Variants in WDR11 observed in about 807,000 individuals in gnomAD.
WDR11 encodes the protein WD repeat-containing protein 11.
WDR11 carries 83 observed loss-of-function variants against 151.2 expected under a neutral mutation model. The ratio of observed to expected loss-of-function variants is 0.55; its 90% CI spans 0.46 to 0.66. The LOEUF is 0.66. Among genes scored for constraint, WDR11 ranks in the 30% least tolerant of loss-of-function variants. WDR11 has a pLI of 0.00. For missense variants in WDR11, 1,301 were observed against 1,480.9 expected (o/e 0.88, Z 1.99); for synonymous variants, 484 against 533.1 (o/e 0.91, Z 1.27).
chr10:120,874,182 T>TA (rs1846652400), intron 11 of WDR11, among the ~76,000 whole-genome samples: 1 of 58,192 alleles, frequency 1.7e-5, no homozygotes, highest in Non-Finnish European at 4.0e-5. Flanking sequence ...TGCAGTTTTT[T>TA]TTTTTTTTTT....
chr10:120,869,591 A>C (rs1358530866), intron 9 of WDR11, among the ~76,000 whole-genome samples: 1 of 152,178 alleles, frequency 6.6e-6, no homozygotes, highest in Non-Finnish European at 1.5e-5. Flanking sequence ...CAATTCAGGT[A>C]AATAAAGAGG....
chr10:120,904,518 G>A (rs952854415), intron 24 of WDR11, 128 bp from the exon 25 acceptor site: 4 of 1,189,820 alleles, frequency 3.4e-6, no homozygotes, highest in African/African-American at 3.1e-5. Flanking sequence ...GTTTGTATTT[G>A]TAAACAAAAT....
At chr10:120,868,189 C>G (rs1846382444) in intron 9 of WDR11, among the ~76,000 whole-genome samples, 1 of 152,148 alleles carries the variant, frequency 6.6e-6, no homozygotes, top group African/African-American at 2.4e-5. Flanking sequence ...CGCAGTGACT[C>G]ACGCCTGTAA....
At chr10:120,865,820 C>A in intron 7 of WDR11, 76 bp downstream of exon 7, 3 of 980,246 alleles carry the variant, frequency 3.1e-6, no homozygotes, top group South Asian at 1.4e-5. Flanking sequence ...CAAATACCAG[C>A]CAAGGTATAT....
chr10:120,892,574 T>G (rs948962027), intron 19 of WDR11, among the ~76,000 whole-genome samples: 2 of 152,206 alleles, frequency 1.3e-5, no homozygotes, highest in African/African-American at 2.4e-5. Context: ...TCTGAGGAAT[T>G]AGAAGTATAT....
In WDR11 at chr10:120,866,706, G is replaced by A. The variant is rs772088333; in HGVS notation, c.1132G>A (p.Gly378Ser). Residue 378 changes from glycine to serine, a missense_variant, in exon 8 of 29, where the codon GGC becomes AGC. By Grantham distance (56) the Gly-to-Ser change is moderately conservative (BLOSUM62 0). Transcript: ENST00000263461. ...ENAAALVVSDGRVMIWELKSA... is the reference protein window; with the variant it reads ...ENAAALVVSDSRVMIWELKSA... ...TGCAGCCGCCCTCGTAGTGAGTGAT[G>A]GCAGGGTCATGATATGGGAACTCAA... 2 of 1,614,138 alleles carry A rather than the reference G, an allele frequency of 1.2e-6. No homozygotes were observed. The highest frequency in any genetic ancestry group is 2.2e-5 in the South Asian group (2 of 91,082).
At chr10:120,872,005 C>T (rs1846562531) in intron 10 of WDR11, among the ~76,000 whole-genome samples, 1 of 152,074 alleles carries the variant, frequency 6.6e-6, no homozygotes. Context: ...TACATTTCTC[C>T]AAAACTTCTG....
Position 120,865,110 on chromosome 10 carries a change from C to T in WDR11, c.777C>T (p.His259=), listed in dbSNP as rs1339715325. 6.2e-7 allele frequency: 1 copy of T among 1,613,964 alleles called. No individual in the cohort carries two copies. The highest frequency in any genetic ancestry group is 1.7e-5 in the Admixed American group (1 of 60,020). Residue 259 remains histidine, a synonymous_variant, in exon 6 of 29, where the codon CAC becomes CAT. Coordinates refer to ENST00000263461, the MANE Select transcript of WDR11 (RefSeq NM_018117.12). ...QLAYLPSKRN[H]MLLLYPREIL... ...CATACCTGCCTTCAAAAAGGAATCACATGTTGTTGCTCTATCCTCGAGAGA... is the reference window on the plus strand; with the variant it reads ...CATACCTGCCTTCAAAAAGGAATCATATGTTGTTGCTCTATCCTCGAGAGA...
Position 120,858,722 on chromosome 10 carries a change from G to C in WDR11, c.278G>C (p.Gly93Ala). ...CGGTTAGCTTCTGCTGATGTCAATG[G>C]GAAGATCATCGTCTGGGATGTAGCA... ...CLRLASADVN[G>A]KIIVWDVAAG... The change falls in exon 3 of 29, where the codon GGG (glycine) becomes GCG (alanine). Residue 93 changes from glycine to alanine, a missense_variant. This residue lies in a region of WDR11 where 692 missense variants were observed against 762.5 expected (regional missense o/e 0.91). Coordinates refer to ENST00000263461, the MANE Select transcript of WDR11 (RefSeq NM_018117.12). 6.2e-7 allele frequency: 1 copy of C among 1,614,158 alleles called. No individual in the cohort carries two copies. The highest frequency in any genetic ancestry group is 8.5e-7 in the Non-Finnish European group (1 of 1,180,040).
chr10:120,862,681 C>T, intron 4 of WDR11, 54 bp from the exon 5 acceptor site: 1 of 1,559,952 alleles, frequency 6.4e-7, no homozygotes, highest in Admixed American at 1.7e-5. Flanking sequence ...TGGAATAAAA[C>T]TGTATGCTAA....
At position 120,867,186 on chromosome 10, in the gene WDR11, T is replaced by G; in HGVS notation, c.1294+17T>G. On this transcript the variant is annotated intron_variant, in intron 9 of 28. Transcript: ENST00000263461. ...ACATGATTGGTAAGCTTTTTTCCCC[T>G]CTAACTCCATGTTAAGTATTCTTTC... 1 of 1,562,230 alleles carries G rather than the reference T, an allele frequency of 6.4e-7. No individual in the cohort carries two copies. Among genetic ancestry groups the G allele is most frequent in the Non-Finnish European group, 8.8e-7 (1 of 1,132,986 alleles).
chr10:120,854,821 T>C (rs560095798), intron 2 of WDR11, among the ~76,000 whole-genome samples: 4 of 152,346 alleles, frequency 2.6e-5, no homozygotes, highest in African/African-American at 9.6e-5. Flanking sequence ...GCAGGTCCTT[T>C]GCCCATTTTA....
intron 17 of WDR11, chr10:120,889,672 C>T (rs1001121275): frequency 3.6e-6 from 2 of 553,378 alleles, no homozygotes; most frequent in South Asian, 2.0e-5. Context: ...TTGAGCCAAG[C>T]ATTCTTAGGA....
Position 120,901,087 on chromosome 10 carries a change from T to G in WDR11, c.2676T>G (p.Asn892Lys). Reference protein sequence around the residue: ...EIKNLLQEQLNSLSNDIKKLL... With the variant: ...EIKNLLQEQLKSLSNDIKKLL... ...AGAATCTCCTCCAAGAACAGTTGAA[T>G]TCATTGTCTAAGTAAGCACTCCATG... is the stretch of plus-strand genomic sequence containing the variant. The change falls in exon 21 of 29, where the codon AAT becomes AAG. Residue 892 changes from asparagine to lysine, a missense_variant. Coordinates refer to ENST00000263461, the MANE Select transcript of WDR11 (RefSeq NM_018117.12). 1 of 1,612,416 alleles carries G rather than the reference T, an allele frequency of 6.2e-7. No homozygotes were observed. Among genetic ancestry groups the G allele is most frequent in the Non-Finnish European group, 8.5e-7 (1 of 1,178,558 alleles).
In WDR11 at chr10:120,857,209, TGTG is replaced by T. The variant is rs1444811004; in HGVS notation, c.199-1431_199-1429del. ...GCAAAAGGAACAAAAATGTGAAAAA[TGTG>T]GTACTAAATAAATCATGAGATGAAC... On this transcript the variant is annotated intron_variant, in intron 2 of 28. Transcript: ENST00000263461. Among the ~76,000 whole-genome samples, 4 of 152,214 alleles carry T rather than the reference TGTG, an allele frequency of 2.6e-5. No homozygotes were observed. In the South Asian group the frequency reaches 6.2e-4, roughly 24 times the overall value.
Position 120,873,884 on chromosome 10 carries a change from T to C in WDR11, c.1517T>C (p.Leu506Pro), listed in dbSNP as rs763775506. ...SVLVYHLTSG[L>P]LHKELSIHSC... Reference sequence around the variant, plus strand: ...CTGGTGTACCATCTCACCAGTGGTCTGCTACACAAAGAGTTAAGCATCCAC... The same window carrying C: ...CTGGTGTACCATCTCACCAGTGGTCCGCTACACAAAGAGTTAAGCATCCAC... Residue 506 changes from leucine (L) to proline (P), a missense_variant, in exon 11 of 29, where the codon CTG (leucine) becomes CCG (proline). Leu to Pro is a moderately conservative substitution (Grantham distance 98, BLOSUM62 -3). Coordinates refer to ENST00000263461, the MANE Select transcript of WDR11 (RefSeq NM_018117.12). 69 of 1,613,354 alleles carry C rather than the reference T, an allele frequency of 4.3e-5. 2 individuals are homozygous for C. In the Admixed American group the frequency reaches 1.1e-3, roughly 26 times the overall value.
chr10:120,886,316 A>G (rs192178284), intron 15 of WDR11, among the ~76,000 whole-genome samples: 1 of 152,220 alleles, frequency 6.6e-6, no homozygotes, highest in Non-Finnish European at 1.5e-5. Context: ...TGGGAATCCT[A>G]AATTTGTGTA....
At chr10:120,894,284 T>A (rs895323253) in intron 19 of WDR11, among the ~76,000 whole-genome samples, 2 of 152,180 alleles carry the variant, frequency 1.3e-5, no homozygotes, top group Admixed American at 6.5e-5. Context: ...CTAAGCACAT[T>A]TTTCCTAAGT....
chr10:120,904,174 A>C (rs148334331), intron 24 of WDR11, 32 bp downstream of exon 24: 9 of 1,482,404 alleles, frequency 6.1e-6, no homozygotes, highest in Middle Eastern at 1.7e-4. Flanking sequence ...TACATGCTTC[A>C]TTAAATTGCT....
Sources: gnomAD v4.1 joint callset for allele counts (sites outside exome capture counted in the v4.1 genomes callset) on GRCh38, gnomAD v4.1.1 for gene constraint, gnomAD v4.1.1 regional missense constraint, MANE v1.5 for transcripts, NCBI Gene and HGNC (gene_info 2026-07-23, HGNC 2026-07-21) for gene names.